The following SVIL variants were observed in gnomAD, a reference collection of about 807,000 sequenced individuals.
SVIL encodes supervillin.
In SVIL, 101 loss-of-function variants were observed where a neutral mutation model predicts 240.4. The observed-to-expected ratio is 0.42, with a 90% confidence interval of 0.36 to 0.50. SVIL has a LOEUF of 0.50. SVIL is among the 20% of genes least tolerant of loss of function. The probability of loss-of-function intolerance (pLI) is 0.01; values close to 1 mark genes in which losing one functional copy is unlikely to be tolerated. For missense variants in SVIL, 2,512 were observed against 2,818.7 expected (o/e 0.89, Z 2.46); for synonymous variants, 999 against 1,100.0 (o/e 0.91, Z 1.82).
chr10:29,658,125 C>T (rs1455079364), intron 2 of SVIL: 1 of 152,174 alleles, frequency 6.6e-6, no homozygotes, highest in Non-Finnish European at 1.5e-5. Context: ...GCAAACAATA[C>T]AAGACAACCA....
intron 1 of SVIL, among the ~76,000 whole-genome samples, chr10:29,625,796 T>A (rs76082055): frequency 0.014 from 2,069 of 152,338 alleles, 21 homozygotes; most frequent in Non-Finnish European, 0.022. Context: ...ATAAGCTTTA[T>A]CAGTATGAAT....
intron 3 of SVIL, chr10:29,647,176 TC>T (rs966645168): frequency 6.6e-6 from 1 of 152,096 alleles, no homozygotes; most frequent in African/African-American, 2.4e-5. Context: ...TCTGAAGAAG[TC>T]TTGGCCTTTT....
At chr10:29,684,461 G>T (rs1196384516) in intron 2 of SVIL, among the ~76,000 whole-genome samples, 3 of 152,140 alleles carry the variant, frequency 2.0e-5, no homozygotes, top group African/African-American at 7.2e-5. Flanking sequence ...GGGGCTTACA[G>T]GTCATAGGTG....
intron 1 of SVIL, chr10:29,575,949 T>A (rs1454681361): frequency 4.0e-6 from 1 of 248,106 alleles, no homozygotes; most frequent in African/African-American, 2.3e-5. Context: ...TAGTATAGTA[T>A]TCTAACAGTG....
intron 18 of SVIL, 65 bp downstream of exon 18, chr10:29,499,051 T>C: frequency 6.4e-7 from 1 of 1,573,128 alleles, no homozygotes; most frequent in South Asian, 1.2e-5. Context: ...ATGCCCTCCA[T>C]GGGTAAGTGT....
intron 1 of SVIL, among the ~76,000 whole-genome samples, chr10:29,608,049 C>G (rs1269762): frequency 0.4 from 61,048 of 152,062 alleles, 12,340 homozygotes; most frequent in Admixed American, 0.42. Flanking sequence ...GCTTATCAAA[C>G]GCTGTCAGCA....
intron 2 of SVIL, among the ~76,000 whole-genome samples, chr10:29,683,245 G>A (rs1029394741): frequency 2.0e-5 from 3 of 152,192 alleles, no homozygotes; most frequent in African/African-American, 7.2e-5. Flanking sequence ...TTAAATTACT[G>A]TCTGAAGACT....
intron 17 of SVIL, among the ~76,000 whole-genome samples, chr10:29,500,247 A>G (rs900285616): frequency 2.0e-5 from 3 of 152,096 alleles, no homozygotes; most frequent in African/African-American, 7.2e-5. Context: ...GGAGGTCCTC[A>G]AACGCTGGCC....
At chr10:29,609,397 A>G (rs1247432) in intron 1 of SVIL, among the ~76,000 whole-genome samples, 63,882 of 151,996 alleles carry the variant, frequency 0.42, 13,609 homozygotes, top group African/African-American at 0.46. Context: ...ATGATGGGAA[A>G]CAGCAGTGGG....
chr10:29,661,101 A>T (rs1589468523), intron 2 of SVIL, among the ~76,000 whole-genome samples: 1 of 151,042 alleles, frequency 6.6e-6, no homozygotes, highest in South Asian at 2.1e-4. Flanking sequence ...AGGGAGTCGG[A>T]GGTTGCAGTG....
At chr10:29,569,552 T>C (rs959690632) in intron 1 of SVIL, among the ~76,000 whole-genome samples, 1 of 152,086 alleles carries the variant, frequency 6.6e-6, no homozygotes, top group African/African-American at 2.4e-5. Context: ...CATGGGTAAA[T>C]GAAAATAATA....
chr10:29,580,175 A>G (rs1011232894), intron 1 of SVIL, among the ~76,000 whole-genome samples: 2 of 145,760 alleles, frequency 1.4e-5, no homozygotes, highest in African/African-American at 2.6e-5. Flanking sequence ...CAAAAAATTT[A>G]AAAAAAAAAA....
At chr10:29,677,155 A>G (rs2132575260) in intron 2 of SVIL, among the ~76,000 whole-genome samples, 2 of 152,300 alleles carry the variant, frequency 1.3e-5, no homozygotes, top group East Asian at 3.9e-4. Flanking sequence ...GTCCTATTCT[A>G]TAAAATTCTC....
At chr10:29,657,100 C>T (rs1210183196) in intron 3 of SVIL, among the ~76,000 whole-genome samples, 2 of 152,218 alleles carry the variant, frequency 1.3e-5, no homozygotes, top group East Asian at 3.9e-4. Flanking sequence ...GATTAAAACC[C>T]AAGCCACTGA....
At chr10:29,677,230 T>G (rs147510221) in intron 2 of SVIL, among the ~76,000 whole-genome samples, 11 of 152,268 alleles carry the variant, frequency 7.2e-5, no homozygotes, top group African/African-American at 2.6e-4. Flanking sequence ...GCCACAAAGA[T>G]GCATTCACTT....
intron 1 of SVIL, among the ~76,000 whole-genome samples, chr10:29,627,786 T>TA (rs1173749301): frequency 2.6e-5 from 4 of 152,380 alleles, no homozygotes; most frequent in South Asian, 4.1e-4. Context: ...TGAGTCACCC[T>TA]ATTCTGAAGC....
intron 34 of SVIL, among the ~76,000 whole-genome samples, chr10:29,464,775 G>A (rs1034351336): frequency 2.0e-5 from 3 of 151,504 alleles, no homozygotes; most frequent in African/African-American, 4.9e-5. Flanking sequence ...TGCAAGATGA[G>A]GTCCCTGGCT....
intron 17 of SVIL, among the ~76,000 whole-genome samples, chr10:29,509,358 A>AGAGAGAGAG (rs1554828022): frequency 0.026 from 3,404 of 128,832 alleles, 155 homozygotes; most frequent in South Asian, 0.031. Context: ...AGAGAGAGAG[A>AGAGAGAGAG]GAGAGAGAGA....
At chr10:29,617,505 C>T (rs760905612) in intron 1 of SVIL, among the ~76,000 whole-genome samples, 13 of 151,508 alleles carry the variant, frequency 8.6e-5, no homozygotes, top group Admixed American at 3.9e-4. Context: ...CGCTTGAACC[C>T]GGAAGGCAGA....
Sources: gnomAD v4.1 joint callset for allele counts (sites outside exome capture counted in the v4.1 genomes callset) on GRCh38, gnomAD v4.1.1 for gene constraint, MANE v1.5 for transcripts, NCBI Gene and HGNC (gene_info 2026-07-23, HGNC 2026-07-21) for gene names.